CACUL1: variants seen among roughly 807,000 people sequenced by gnomAD.
CACUL1 encodes CDK2 associated cullin domain 1.
Under a neutral mutation model 45.2 loss-of-function variants are expected in CACUL1, and 13 were observed. That is an observed-to-expected ratio of 0.29 (90% CI 0.19 to 0.46). CACUL1 has a LOEUF of 0.46. CACUL1 is among the 20% of genes least tolerant of loss of function. The pLI, the probability that CACUL1 is intolerant of heterozygous loss-of-function variation, is 1.00. For synonymous variants in CACUL1, 197 were observed against 174.2 expected, an observed-to-expected ratio of 1.13 and a Z score of -1.03; for missense variants, 421 against 471.4, an observed-to-expected ratio of 0.89 and a Z score of 0.99.
At chr10:118,740,329 G>A (rs1845780274) in intron 1 of CACUL1, among the ~76,000 whole-genome samples, 1 of 152,144 alleles carries the variant, frequency 6.6e-6, no homozygotes, top group Non-Finnish European at 1.5e-5. Flanking sequence ...ACAAATTGTG[G>A]CCGTTTGCAG....
At chr10:118,704,275 C>T (rs549976120) in intron 4 of CACUL1, among the ~76,000 whole-genome samples, 1 of 152,168 alleles carries the variant, frequency 6.6e-6, no homozygotes, top group South Asian at 2.1e-4. Context: ...CCTTACTGAT[C>T]TGAAATGTCA....
intron 6 of CACUL1, chr10:118,693,711 G>A (rs1845293588): frequency 4.4e-6 from 2 of 456,562 alleles, no homozygotes; most frequent in Admixed American, 4.7e-5. Context: ...CACTATTTCA[G>A]GAGCCATCTT....
Position 118,683,467 on chromosome 10 carries a change from A to C in CACUL1, c.*2661T>G, listed in dbSNP as rs1284177839. 6.6e-6 allele frequency: 1 copy of C among 150,962 alleles called. No individual in the cohort carries two copies. The highest frequency in any genetic ancestry group is 1.5e-5 in the Non-Finnish European group (1 of 67,944). 9.4% of individuals were successfully genotyped at this position (150,962 alleles called of 1,614,324 possible). Reference sequence around the variant, plus strand: ...CACTTTGGGAGGCCGAGGTGGGTGGATCACTTGAGGTCAGGAGTTCAAGAC... The same window carrying C: ...CACTTTGGGAGGCCGAGGTGGGTGGCTCACTTGAGGTCAGGAGTTCAAGAC... On this transcript the variant is annotated 3_prime_UTR_variant, in exon 9 of 9. Coordinates refer to ENST00000369151, the MANE Select transcript of CACUL1 (RefSeq NM_153810.5).
At chr10:118,726,360 C>T in intron 3 of CACUL1, 1 of 1,283,606 alleles carries the variant, frequency 7.8e-7, no homozygotes, top group South Asian at 1.2e-5. Context: ...TTTAGTTACT[C>T]AGCATTCAGC....
At chr10:118,736,692 T>C (rs1181627631) in intron 1 of CACUL1, among the ~76,000 whole-genome samples, 3 of 152,324 alleles carry the variant, frequency 2.0e-5, no homozygotes, top group South Asian at 4.1e-4. Context: ...ACAATGTTTT[T>C]AAAGTCTAGA....
At chr10:118,738,892 TAAAAAAA>T (rs150393133) in intron 1 of CACUL1, among the ~76,000 whole-genome samples, 97 of 62,270 alleles carry the variant, frequency 1.6e-3, no homozygotes, top group Non-Finnish European at 2.6e-3. Flanking sequence ...CAAGTGCTCT[TAAAAAAA>T]AAAAAAAAAA....
At chr10:118,708,112 C>T (rs1404523283) in intron 3 of CACUL1, among the ~76,000 whole-genome samples, 7 of 142,668 alleles carry the variant, frequency 4.9e-5, no homozygotes, top group Non-Finnish European at 9.0e-5. Context: ...CATACCACTG[C>T]ACTCCAGCCT....
intron 4 of CACUL1, among the ~76,000 whole-genome samples, chr10:118,702,476 G>A (rs1431268189): frequency 6.6e-6 from 1 of 152,052 alleles, no homozygotes; most frequent in East Asian, 1.9e-4. Context: ...TTTATTATAA[G>A]AGATAATACT....
rs1386740590 is a variant in CACUL1, at chr10:118,685,506, T to C, written c.*622A>G. On this transcript the variant is annotated 3_prime_UTR_variant, in exon 9 of 9. Transcript: ENST00000369151. Reference sequence around the variant, plus strand: ...GGAGTTTGACAACATGGTCACACAGTTGCAAAGTGCACAAAGCTCAAGGCA... The same window carrying C: ...GGAGTTTGACAACATGGTCACACAGCTGCAAAGTGCACAAAGCTCAAGGCA... 2.0e-5 allele frequency: 3 copies of C among 152,648 alleles called. No individual in the cohort carries two copies. Among genetic ancestry groups the C allele is most frequent in the Non-Finnish European group, 4.4e-5 (3 of 68,060 alleles). 9.5% of individuals were successfully genotyped at this position (152,648 alleles called of 1,614,324 possible). A position where few individuals can be genotyped will look rare whatever the true frequency, so the allele number is the denominator to read the frequency against.
intron 6 of CACUL1, among the ~76,000 whole-genome samples, chr10:118,694,010 G>A (rs972504428): frequency 2.6e-5 from 4 of 151,992 alleles, no homozygotes; most frequent in South Asian, 2.1e-4. Flanking sequence ...GACTACAGGC[G>A]CCCGCCACCA....
Position 118,683,832 on chromosome 10 carries a change from CAA to C in CACUL1, c.*2294_*2295del, listed in dbSNP as rs929060051. On this transcript the variant is annotated 3_prime_UTR_variant, in exon 9 of 9. Transcript: ENST00000369151. ...ATTTTTTAGAATCCCAATAAATAAG[CAA>C]AGTCTATTTCAACTTAAACAGGTCC... The C allele has an allele frequency of 2.6e-5, 4 of 152,124 alleles. No individual in the cohort carries two copies. Among genetic ancestry groups the C allele is most frequent in the African/African-American group, 7.2e-5 (3 of 41,436 alleles). 9.4% of individuals were successfully genotyped at this position (152,124 alleles called of 1,614,324 possible).
At chr10:118,726,975 A>C (rs1845657596) in intron 3 of CACUL1, among the ~76,000 whole-genome samples, 1 of 152,188 alleles carries the variant, frequency 6.6e-6, no homozygotes, top group African/African-American at 2.4e-5. Flanking sequence ...TTATAAAAGG[A>C]ATCATTTTGA....
chr10:118,748,976 G>A (rs1384935748), intron 1 of CACUL1, among the ~76,000 whole-genome samples: 1 of 152,180 alleles, frequency 6.6e-6, no homozygotes, highest in Admixed American at 6.5e-5. Context: ...GGAGGAAGCA[G>A]TCAGAACAGA....
At chr10:118,723,234 C>G (rs1258088014) in intron 3 of CACUL1, among the ~76,000 whole-genome samples, 1 of 151,854 alleles carries the variant, frequency 6.6e-6, no homozygotes, top group Non-Finnish European at 1.5e-5. Flanking sequence ...ATTTTTTCCC[C>G]TCTATGTCTT....
At chr10:118,732,362 C>T (rs1034449588) in intron 1 of CACUL1, among the ~76,000 whole-genome samples, 3 of 152,166 alleles carry the variant, frequency 2.0e-5, no homozygotes, top group African/African-American at 4.8e-5. Flanking sequence ...ATGGGGTTGT[C>T]GTTTACTAAA....
At position 118,676,764 on chromosome 10, in the gene CACUL1, G is replaced by T. The variant is rs1845101199; in HGVS notation, c.*9364C>A. On this transcript the variant is annotated 3_prime_UTR_variant, in exon 9 of 9. Coordinates refer to ENST00000369151, the MANE Select transcript of CACUL1 (RefSeq NM_153810.5). ...TAAAACATTTTTACTTCATCTTTTT[G>T]ATTTTCTACTTTTGCTTTATATGTA... is the stretch of plus-strand genomic sequence containing the variant. The T allele has an allele frequency of 6.6e-6, 1 of 151,562 alleles. No homozygotes were observed. Among genetic ancestry groups the T allele is most frequent in the African/African-American group, 2.4e-5 (1 of 41,204 alleles). 9.4% of individuals were successfully genotyped at this position (151,562 alleles called of 1,614,324 possible). A position where few individuals can be genotyped will look rare whatever the true frequency, so the allele number is the denominator to read the frequency against.
chr10:118,686,274 C>A (rs1292411148), intron 8 of CACUL1, 106 bp from the exon 9 acceptor site: 1 of 968,016 alleles, frequency 1.0e-6, no homozygotes, highest in African/African-American at 1.7e-5. Context: ...CCCAACTCCC[C>A]AAAAAAGGCT....
intron 1 of CACUL1, 83 bp downstream of exon 1, chr10:118,754,313 C>A (rs532670618): frequency 2.1e-6 from 3 of 1,426,002 alleles, no homozygotes; most frequent in African/African-American, 3.0e-5. Context: ...ACAAAGGAAG[C>A]GGAGCTTTCT....
intron 7 of CACUL1, among the ~76,000 whole-genome samples, chr10:118,689,143 T>C (rs962939785): frequency 6.6e-6 from 1 of 152,234 alleles, no homozygotes; most frequent in Non-Finnish European, 1.5e-5. Flanking sequence ...GGGGCATCAG[T>C]AGACACCACT....
Sources: gnomAD v4.1 joint callset for allele counts (sites outside exome capture counted in the v4.1 genomes callset) on GRCh38, gnomAD v4.1.1 for gene constraint, MANE v1.5 for transcripts, NCBI Gene and HGNC (gene_info 2026-07-23, HGNC 2026-07-21) for gene names.